GALNTL6: variants seen among roughly 807,000 people sequenced by gnomAD.
The protein encoded by GALNTL6 is polypeptide N-acetylgalactosaminyltransferase like 6.
A neutral mutation model predicts 73.7 loss-of-function variants in GALNTL6; 46 were observed. The observed-to-expected ratio is 0.62, with a 90% CI of 0.49 to 0.80. The LOEUF is 0.80. Ranked by LOEUF, GALNTL6 falls within the 30% of genes least tolerant of loss-of-function variation. GALNTL6 has a pLI of 0.00. For missense variants in GALNTL6, 604 were observed against 755.0 expected (o/e 0.80, Z 2.34); for synonymous variants, 259 against 263.7 (o/e 0.98, Z 0.17).
At chr4:171,914,225 G>T (rs1213705522) in intron 2 of GALNTL6, among the ~76,000 whole-genome samples, 1 of 152,030 alleles carries the variant, frequency 6.6e-6, no homozygotes, top group Non-Finnish European at 1.5e-5. Context: ...GCCCAGGAAA[G>T]TTCCCTTTGG....
intron 5 of GALNTL6, among the ~76,000 whole-genome samples, chr4:172,801,474 T>C (rs1177628140): frequency 6.6e-6 from 1 of 152,196 alleles, no homozygotes; most frequent in Non-Finnish European, 1.5e-5. Flanking sequence ...GCACCAATAA[T>C]CTTTTTTTCA....
chr4:172,284,099 C>T (rs528577356), intron 3 of GALNTL6, among the ~76,000 whole-genome samples: 1 of 152,164 alleles, frequency 6.6e-6, no homozygotes, highest in African/African-American at 2.4e-5. Context: ...TTCACCTATC[C>T]TCCAGGATTC....
chr4:172,705,181 T>G (rs1208807835), intron 5 of GALNTL6, among the ~76,000 whole-genome samples: 2 of 151,054 alleles, frequency 1.3e-5, no homozygotes, highest in African/African-American at 2.4e-5. Context: ...ACACTCACTC[T>G]TATTATTAAT....
At chr4:172,207,079 A>C (rs1736162852) in intron 2 of GALNTL6, among the ~76,000 whole-genome samples, 1 of 151,748 alleles carries the variant, frequency 6.6e-6, no homozygotes, top group Non-Finnish European at 1.5e-5. Flanking sequence ...GGCCTCCCAA[A>C]GTGCTGGGAT....
chr4:172,676,118 A>T (rs545852477), intron 5 of GALNTL6, among the ~76,000 whole-genome samples: 3 of 152,236 alleles, frequency 2.0e-5, no homozygotes, highest in East Asian at 1.9e-4. Flanking sequence ...TTGGCTAAAA[A>T]TATGTCATGG....
chr4:172,987,033 TTATAC>T (rs1183967554), intron 10 of GALNTL6, among the ~76,000 whole-genome samples: 1 of 152,146 alleles, frequency 6.6e-6, no homozygotes, highest in African/African-American at 2.4e-5. Flanking sequence ...CTAACAACAA[TTATAC>T]TATAGTTTTT....
intron 2 of GALNTL6, among the ~76,000 whole-genome samples, chr4:172,176,444 A>C (rs1735004242): frequency 6.6e-6 from 1 of 152,004 alleles, no homozygotes; most frequent in Non-Finnish European, 1.5e-5. Context: ...TTTGAAAAAT[A>C]AGTGAAGACT....
chr4:171,925,941 C>CT (rs921732315), intron 2 of GALNTL6, among the ~76,000 whole-genome samples: 1 of 151,908 alleles, frequency 6.6e-6, no homozygotes, highest in Non-Finnish European at 1.5e-5. Context: ...GCCAAAAATA[C>CT]TTTTTTAAAT....
At chr4:172,976,553 A>G (rs930227979) in intron 10 of GALNTL6, among the ~76,000 whole-genome samples, 6 of 152,336 alleles carry the variant, frequency 3.9e-5, no homozygotes, top group South Asian at 4.1e-4. Context: ...TTAGTAGGCA[A>G]AAAACATCAT....
intron 5 of GALNTL6, among the ~76,000 whole-genome samples, chr4:172,575,369 A>C (rs913950648): frequency 6.6e-6 from 1 of 152,232 alleles, no homozygotes; most frequent in Admixed American, 6.5e-5. Context: ...TAACTAGGAA[A>C]CATGATAAGT....
chr4:172,689,222 G>C (rs1733115328), intron 5 of GALNTL6, among the ~76,000 whole-genome samples: 1 of 152,120 alleles, frequency 6.6e-6, no homozygotes. Flanking sequence ...ATGTTCATTG[G>C]TAATAGAGTT....
At chr4:172,554,464 T>C (rs1261025989) in intron 5 of GALNTL6, among the ~76,000 whole-genome samples, 2 of 151,804 alleles carry the variant, frequency 1.3e-5, no homozygotes, top group Non-Finnish European at 2.9e-5. Context: ...AATTGAAGTA[T>C]AACATATGTA....
chr4:172,778,112 G>A lies in GALNTL6; in HGVS notation c.554-31249G>A, dbSNP rs1189422014. Among the ~76,000 whole-genome samples, 3 of 152,364 alleles carry A rather than the reference G, an allele frequency of 2.0e-5. 1 individual carries two copies. The highest frequency in any genetic ancestry group is 6.8e-3 in the Middle Eastern group (2 of 294). On this transcript the variant is annotated intron_variant, in intron 5 of 12. Transcript: ENST00000506823. Reference sequence around the variant, plus strand: ...ATTCTCATATAAATTGTTTCCAACAGTAAGTGGCATTGGCCATTGACGTAT... The same window carrying A: ...ATTCTCATATAAATTGTTTCCAACAATAAGTGGCATTGGCCATTGACGTAT...
At position 172,259,278 on chromosome 4, in the gene GALNTL6, A is replaced by T. The variant is rs764324283; in HGVS notation, c.247+29514A>T. Among the ~76,000 whole-genome samples the T allele has an allele frequency of 2.0e-5, 3 of 151,006 alleles. No individual in the cohort carries two copies. In the South Asian group the frequency reaches 6.2e-4, roughly 31 times the overall value. On this transcript the variant is annotated intron_variant, in intron 3 of 12. Coordinates refer to ENST00000506823, the MANE Select transcript of GALNTL6 (RefSeq NM_001034845.3). ...TCCATGCCAATATCTATTATTTTAA[A>T]TTTTTTAAATTATGGCCATTCTTGC...
intron 12 of GALNTL6, among the ~76,000 whole-genome samples, chr4:173,037,911 T>A (rs1456319915): frequency 1.3e-5 from 2 of 152,124 alleles, no homozygotes; most frequent in Admixed American, 6.5e-5. Flanking sequence ...CCTGGCTAAT[T>A]TTTATATTTT....
At chr4:172,581,245 T>G (rs1212744175) in intron 5 of GALNTL6, among the ~76,000 whole-genome samples, 1 of 152,222 alleles carries the variant, frequency 6.6e-6, no homozygotes, top group Non-Finnish European at 1.5e-5. Context: ...AAAATCATCT[T>G]TTTCATTCTC....
intron 10 of GALNTL6, among the ~76,000 whole-genome samples, chr4:173,007,393 G>T (rs974767227): frequency 1.3e-5 from 2 of 152,172 alleles, no homozygotes; most frequent in African/African-American, 4.8e-5. Flanking sequence ...AAAGGATTAA[G>T]ATCATTGACT....
chr4:172,248,067 T>C (rs1259823652), intron 3 of GALNTL6, among the ~76,000 whole-genome samples: 1 of 151,464 alleles, frequency 6.6e-6, no homozygotes, highest in African/African-American at 2.4e-5. Context: ...TAAAATGAAA[T>C]AGACAGTCCT....
chr4:172,816,264 T>C (rs1236672595), intron 7 of GALNTL6, among the ~76,000 whole-genome samples: 1 of 152,232 alleles, frequency 6.6e-6, no homozygotes, highest in Non-Finnish European at 1.5e-5. Flanking sequence ...ATGCAAAAAT[T>C]ATCTTTCTGT....
Sources: allele counts gnomAD v4.1 joint callset (sites outside exome capture counted in the v4.1 genomes callset), GRCh38; gene constraint gnomAD v4.1.1; transcripts MANE v1.5; gene names NCBI Gene and HGNC (gene_info 2026-07-23, HGNC 2026-07-21).